The following MTA3 variants were observed in gnomAD, a reference collection of about 807,000 sequenced individuals.
MTA3 encodes metastasis-associated protein MTA3.
In MTA3, 34 loss-of-function variants were observed where a neutral mutation model predicts 83.5. That is an observed-to-expected ratio of 0.41 (90% confidence interval 0.31 to 0.54). MTA3 has a LOEUF of 0.54. Among genes scored for constraint, MTA3 ranks in the 20% least tolerant of loss-of-function variants. MTA3 has a pLI of 0.33. For synonymous variants in MTA3, 303 were observed against 252.7 expected, an observed-to-expected ratio of 1.20 and a Z score of -1.89; for missense variants, 761 against 726.4, an observed-to-expected ratio of 1.05 and a Z score of -0.55.
chr2:42,699,834 G>A lies in MTA3; in HGVS notation c.1025+2000G>A, dbSNP rs182814499. ...TCAGTGTGGGAAGGTCTGGACTAGA[G>A]ATACATATTTGAGCTTCATCAGCAT... On this transcript the variant is annotated intron_variant, in intron 11 of 16. Transcript: ENST00000405094. 6.7e-4 allele frequency among the ~76,000 whole-genome samples: 102 copies of A among 152,198 alleles called. 1 individual carries two copies. Among genetic ancestry groups the A allele is most frequent in the African/African-American group, 2.2e-3 (91 of 41,522 alleles).
intron 3 of MTA3, among the ~76,000 whole-genome samples, chr2:42,604,265 A>T (rs1209084983): frequency 6.9e-6 from 1 of 144,174 alleles, no homozygotes; most frequent in African/African-American, 2.6e-5. Flanking sequence ...TTGGTCTCAA[A>T]CTCCTGACCT....
chr2:42,511,638 C>A (rs1674900361), intron 2 of MTA3: 1 of 152,314 alleles, frequency 6.6e-6, no homozygotes, highest in African/African-American at 2.4e-5. Context: ...ATCGCTTGAA[C>A]CCAGGAGGCA....
intron 2 of MTA3, among the ~76,000 whole-genome samples, chr2:42,550,982 G>A (rs1256769645): frequency 6.6e-6 from 1 of 151,608 alleles, no homozygotes; most frequent in Non-Finnish European, 1.5e-5. Context: ...ATCCAGGAGG[G>A]GAGGTTGCAG....
intron 2 of MTA3, among the ~76,000 whole-genome samples, chr2:42,500,238 A>C (rs947844570): frequency 1.3e-5 from 2 of 152,190 alleles, no homozygotes; most frequent in Non-Finnish European, 2.9e-5. Flanking sequence ...ATCTGTACTC[A>C]AAATACAAAA....
chr2:42,751,931 C>G (rs1669903106), intron 16 of MTA3, among the ~76,000 whole-genome samples: 1 of 152,168 alleles, frequency 6.6e-6, no homozygotes, highest in Non-Finnish European at 1.5e-5. Context: ...GTTAGCAGAA[C>G]ACTGGGCTGG....
chr2:42,563,665 G>A (rs888086935), upstream of MTA3, among the ~76,000 whole-genome samples: 10 of 151,520 alleles, frequency 6.6e-5, no homozygotes, highest in South Asian at 2.1e-4. Context: ...ATGGGATTTC[G>A]CCATGTTAGC....
intron 8 of MTA3, among the ~76,000 whole-genome samples, chr2:42,671,121 G>A (rs1690755256): frequency 6.6e-6 from 1 of 152,096 alleles, no homozygotes; most frequent in South Asian, 2.1e-4. Flanking sequence ...TTTGAAGAGT[G>A]CAGGCCACTT....
chr2:42,616,201 C>T (rs1684865196), intron 4 of MTA3, among the ~76,000 whole-genome samples: 2 of 152,078 alleles, frequency 1.3e-5, no homozygotes, highest in Admixed American at 6.6e-5. Context: ...CTGGGATTTA[C>T]AGGCATGTGC....
intron 8 of MTA3, among the ~76,000 whole-genome samples, chr2:42,668,743 A>G (rs915030305): frequency 6.6e-6 from 1 of 152,172 alleles, no homozygotes; most frequent in African/African-American, 2.4e-5. Context: ...ATGATTAACC[A>G]TACCATTTAA....
chr2:42,682,996 C>T (rs184440740), intron 9 of MTA3, among the ~76,000 whole-genome samples: 231 of 152,158 alleles, frequency 1.5e-3, no homozygotes, highest in African/African-American at 4.9e-3. Flanking sequence ...CTCTTGAACC[C>T]GGAGGTGGAG....
At chr2:42,552,148 C>A (rs796502557) in intron 2 of MTA3, among the ~76,000 whole-genome samples, 16 of 152,028 alleles carry the variant, frequency 1.1e-4, no homozygotes, top group Admixed American at 6.6e-5. Context: ...GCTGTCAAGC[C>A]GGTGAGGGAA....
intron 2 of MTA3, among the ~76,000 whole-genome samples, chr2:42,544,138 G>A (rs1471277101): frequency 6.6e-6 from 1 of 152,072 alleles, no homozygotes; most frequent in East Asian, 1.9e-4. Flanking sequence ...TCACATAACA[G>A]TATATGCTTC....
At chr2:42,609,690 C>G in intron 4 of MTA3, 106 bp downstream of exon 4, 2 of 1,288,894 alleles carry the variant, frequency 1.6e-6, no homozygotes, top group African/African-American at 1.5e-5. Context: ...GCTTAAACTA[C>G]TTTGCTAAAG....
At chr2:42,714,477 A>G (rs1202692320) in intron 14 of MTA3, among the ~76,000 whole-genome samples, 1 of 152,170 alleles carries the variant, frequency 6.6e-6, no homozygotes, top group Non-Finnish European at 1.5e-5. Context: ...TTATCTTGAC[A>G]GGGTTCTTGA....
At chr2:42,712,276 T>A (rs970856711) in intron 14 of MTA3, among the ~76,000 whole-genome samples, 1 of 152,052 alleles carries the variant, frequency 6.6e-6, no homozygotes, top group Non-Finnish European at 1.5e-5. Flanking sequence ...GTGGGAAGAT[T>A]TACCACTCTT....
At position 42,523,362 on chromosome 2, in the gene MTA3, G is replaced by A. The variant is rs79423659; in HGVS notation, c.-141+28108G>A. On this transcript the variant is annotated intron_variant, in intron 2 of 17. Coordinates refer to the MTA3 transcript ENST00000405592. ...AAGTCCTCATGATTGGCAAGAGAGCGGCAGTGAGACCAGGCCCTTAATTGA... is the reference window on the plus strand; with the variant it reads ...AAGTCCTCATGATTGGCAAGAGAGCAGCAGTGAGACCAGGCCCTTAATTGA... Among the ~76,000 whole-genome samples the A allele has an allele frequency of 8.9e-3, 1,348 of 152,230 alleles. 16 individuals carry two copies. Among genetic ancestry groups the A allele is most frequent in the African/African-American group, 0.031 (1,281 of 41,536 alleles).
chr2:42,679,065 G>A (rs1691638909), intron 8 of MTA3, among the ~76,000 whole-genome samples: 1 of 152,060 alleles, frequency 6.6e-6, no homozygotes, highest in Non-Finnish European at 1.5e-5. Context: ...GGTGCCCCAG[G>A]TTCTACAATG....
chr2:42,697,194 C>G (rs1217848330), intron 10 of MTA3, among the ~76,000 whole-genome samples: 1 of 152,158 alleles, frequency 6.6e-6, no homozygotes, highest in African/African-American at 2.4e-5. Context: ...CTTCCCCTTC[C>G]TTTCCCTACA....
Position 42,615,952 on chromosome 2 carries a change from C to T in MTA3, c.317+6368C>T, listed in dbSNP as rs527787769. ...CTCCAGGATGTTCTTGATCTCCTGA[C>T]CTCGTGATCTGCCCACCTCAGCCTC... On this transcript the variant is annotated intron_variant, in intron 4 of 16. Coordinates refer to ENST00000405094, the MANE Select transcript of MTA3 (RefSeq NM_001330442.2). 2.0e-5 allele frequency among the ~76,000 whole-genome samples: 3 copies of T among 151,974 alleles called. No individual in the cohort carries two copies. The South Asian group carries it at 6.2e-4, about 32-fold the overall frequency.
Sources: gnomAD v4.1 joint callset for allele counts (sites outside exome capture counted in the v4.1 genomes callset) on GRCh38, gnomAD v4.1.1 for gene constraint, MANE v1.5 for transcripts, NCBI Gene and HGNC (gene_info 2026-07-23, HGNC 2026-07-21) for gene names.